The following PSD2 variants were observed in gnomAD, a reference collection of about 807,000 sequenced individuals.
PSD2 encodes PH and SEC7 domain-containing protein 2.
Under a neutral mutation model 69.8 loss-of-function variants are expected in PSD2, and 38 were observed. The observed-to-expected ratio is 0.54, with a 90% CI of 0.42 to 0.71. The LOEUF (loss-of-function observed/expected upper bound fraction) is 0.71, where lower values mean the gene tolerates loss of function less well. PSD2 is among the 30% of genes least tolerant of loss of function. PSD2 has a pLI of 0.00. For missense variants in PSD2, 943 were observed against 1,014.5 expected (o/e 0.93, Z 0.96); for synonymous variants, 412 against 423.0 (o/e 0.97, Z 0.32).
chr5:139,751,372 GCTGGC>G, the PSD2 span, among the ~76,000 whole-genome samples: 1 of 152,110 alleles, frequency 6.6e-6, no homozygotes. Flanking sequence ...TCTACTGTGT[GCTGGC>G]CCTAGGGGCA....
In PSD2 at chr5:139,842,391, A is replaced by C. The variant is rs1477076092; in HGVS notation, c.2233A>C (p.Lys745Gln). ...GGAAGGGGATGACCCTTCTCTCCGGAAGACACATTCAAGCCCTGCCCTCAG... is the reference window on the plus strand; with the variant it reads ...GGAAGGGGATGACCCTTCTCTCCGGCAGACACATTCAAGCCCTGCCCTCAG... The part of the protein sequence containing the change: ...TLEGDDPSLR[K>Q]THSSPALSQG... The change falls in exon 15 of 15, where the codon AAG (lysine) becomes CAG (glutamine). Residue 745 changes from lysine to glutamine, a missense_variant. Around this residue, in one of 3 missense-constraint regions of PSD2, gnomAD observed 165 missense variants for 168.8 expected, o/e 0.98. Transcript: ENST00000274710. 1 of 1,614,206 alleles carries C rather than the reference A, an allele frequency of 6.2e-7. No homozygotes were observed. The highest frequency in any genetic ancestry group is 1.7e-5 in the Admixed American group (1 of 60,026).
At chr5:139,751,708 C>G in the PSD2 span, among the ~76,000 whole-genome samples, 1 of 151,590 alleles carries the variant, frequency 6.6e-6, no homozygotes, top group African/African-American at 2.4e-5. Context: ...CACCGCCCAT[C>G]ATCAGGGAAG....
At chr5:139,797,901 A>G (rs1237086630) in intron 1 of PSD2, among the ~76,000 whole-genome samples, 1 of 152,176 alleles carries the variant, frequency 6.6e-6, no homozygotes, top group Non-Finnish European at 1.5e-5. Flanking sequence ...GAGGTGGGAT[A>G]GAGTGTCTCT....
intron 1 of PSD2, among the ~76,000 whole-genome samples, chr5:139,806,735 G>A (rs994162685): frequency 5.3e-5 from 8 of 152,164 alleles, no homozygotes; most frequent in African/African-American, 1.7e-4. Context: ...AGCATGTGGG[G>A]CATCGTTTTA....
At chr5:139,770,371 A>G in the PSD2 span, among the ~76,000 whole-genome samples, 3 of 152,184 alleles carry the variant, frequency 2.0e-5, no homozygotes, top group African/African-American at 7.2e-5. Flanking sequence ...AGCCTGGCCA[A>G]CATGGTGAAA....
At chr5:139,762,791 T>C in the PSD2 span, among the ~76,000 whole-genome samples, 1 of 151,784 alleles carries the variant, frequency 6.6e-6, no homozygotes, top group African/African-American at 2.4e-5. Flanking sequence ...GCCAGGGGGA[T>C]GGCAGGACAG....
At chr5:139,821,741 G>A in intron 5 of PSD2, 152 bp from the exon 6 acceptor site, 1 of 489,074 alleles carries the variant, frequency 2.0e-6, no homozygotes, top group Non-Finnish European at 3.7e-6. Flanking sequence ...TGGGGGCCAG[G>A]GCCTCCTGGG....
chr5:139,763,121 C>A, the PSD2 span, among the ~76,000 whole-genome samples: 1 of 152,016 alleles, frequency 6.6e-6, no homozygotes, highest in Non-Finnish European at 1.5e-5. Flanking sequence ...TGAACAGGCT[C>A]TGCTGGGCGG....
At chr5:139,774,750 A>T in the PSD2 span, among the ~76,000 whole-genome samples, 1 of 152,082 alleles carries the variant, frequency 6.6e-6, no homozygotes. Flanking sequence ...TCGGCCTCCC[A>T]AAGTGCCAGG....
the PSD2 span, among the ~76,000 whole-genome samples, chr5:139,764,116 G>C: frequency 1.3e-5 from 2 of 152,198 alleles, no homozygotes; most frequent in Admixed American, 6.5e-5. Context: ...TCCTGCATGA[G>C]GAGGGCTGAG....
the PSD2 span, among the ~76,000 whole-genome samples, chr5:139,779,081 G>A: frequency 6.6e-6 from 1 of 152,056 alleles, no homozygotes; most frequent in Non-Finnish European, 1.5e-5. Context: ...CTGTGGGCCT[G>A]TGCTGATTTC....
At chr5:139,831,563 A>G (rs1760599934) in intron 7 of PSD2, among the ~76,000 whole-genome samples, 1 of 151,852 alleles carries the variant, frequency 6.6e-6, no homozygotes, top group Non-Finnish European at 1.5e-5. Context: ...AATTCCTTCT[A>G]TGGTTGGCAA....
At chr5:139,835,641 C>T in intron 8 of PSD2, 82 bp from the exon 9 acceptor site, 1 of 1,405,752 alleles carries the variant, frequency 7.1e-7, no homozygotes, top group Non-Finnish European at 1.0e-6. Context: ...TGCTCCCTCA[C>T]TGTACCCATG....
chr5:139,822,690 A>G, intron 6 of PSD2, 36 bp from the exon 7 acceptor site: 1 of 1,582,710 alleles, frequency 6.3e-7, no homozygotes, highest in Non-Finnish European at 8.6e-7. Flanking sequence ...AAGAGGTTGG[A>G]TCCTCGCACT....
intron 4 of PSD2, among the ~76,000 whole-genome samples, chr5:139,815,096 C>G (rs142863794): frequency 2.0e-3 from 305 of 152,282 alleles, no homozygotes; most frequent in African/African-American, 7.1e-3. Flanking sequence ...AGACCCTTGT[C>G]CATGAGTGGG....
At chr5:139,840,443 A>G (rs1294659601) in intron 14 of PSD2, among the ~76,000 whole-genome samples, 4 of 152,158 alleles carry the variant, frequency 2.6e-5, no homozygotes, top group Admixed American at 2.6e-4. Context: ...TAACCCCTTT[A>G]ATAATTTGTG....
At position 139,837,186 on chromosome 5, in the gene PSD2, G is replaced by C; in HGVS notation, c.1613G>C (p.Gly538Ala). The change falls in exon 11 of 15, where the codon GGC (glycine) becomes GCC (alanine). Residue 538 changes from glycine (G) to alanine (A), a missense_variant. By Grantham distance (60) the Gly-to-Ala change is moderately conservative. Around this residue, in one of 3 missense-constraint regions of PSD2, gnomAD observed 312 missense variants for 400.7 expected, o/e 0.78. Coordinates refer to ENST00000274710, the MANE Select transcript of PSD2 (RefSeq NM_032289.4). The surrounding 1 kb of genome is among the most constrained non-coding windows in gnomAD (Gnocchi z 5.0). ...TCCCCAGCGCCCCGTGGGAGGCGTG[G>C]CTGGAAGAAATTCTACGCAGTGCTC... ...DGKRTPRGRR[G>A]WKKFYAVLKG... The C allele has an allele frequency of 6.2e-7, 1 of 1,614,108 alleles. No homozygotes were observed. The highest frequency in any genetic ancestry group is 2.2e-5 in the East Asian group (1 of 44,882).
the PSD2 span, among the ~76,000 whole-genome samples, chr5:139,774,245 G>A: frequency 6.6e-6 from 1 of 152,156 alleles, no homozygotes; most frequent in East Asian, 1.9e-4. Flanking sequence ...GGACTCTTTG[G>A]GGAGGTGGTA....
chr5:139,826,587 G>C (rs59365080), intron 7 of PSD2, among the ~76,000 whole-genome samples: 27,556 of 152,120 alleles, frequency 0.18, 2,599 homozygotes, highest in African/African-American at 0.24. Flanking sequence ...CCACGAAGAT[G>C]AGATGAGGTC....
Sources: allele counts gnomAD v4.1 joint callset (sites outside exome capture counted in the v4.1 genomes callset), GRCh38; gene constraint gnomAD v4.1.1; regional missense constraint gnomAD v4.1.1; non-coding constraint Gnocchi (gnomAD v3.1); transcripts MANE v1.5; gene names NCBI Gene and HGNC (gene_info 2026-07-23, HGNC 2026-07-21).